Variants in MYO10 observed in about 807,000 individuals in gnomAD.
MYO10 encodes unconventional myosin-X.
Under a neutral mutation model 257.3 loss-of-function variants are expected in MYO10, and 133 were observed. The ratio of observed to expected loss-of-function variants is 0.52; its 90% confidence interval spans 0.45 to 0.60. The LOEUF is 0.60. Ranked by LOEUF, MYO10 falls within the 20% of genes least tolerant of loss-of-function variation. The probability of loss-of-function intolerance (pLI) is 0.00; values close to 1 mark genes in which losing one functional copy is unlikely to be tolerated. For synonymous variants in MYO10, 1,104 were observed against 1,028.6 expected (o/e 1.07, Z -1.40); for missense variants, 2,399 against 2,635.7 (o/e 0.91, Z 1.97).
rs541489278 is a variant in MYO10 at position 16,801,144 on chromosome 5, C to T, written c.280-6311G>A. ...AATTCCTCAAAAAATGGTCAGGACC[C>T]TTTCTGCTTGTTGGGTAGAGAAAGA... On this transcript the variant is annotated intron_variant, in intron 3 of 40. Transcript: ENST00000513610. 7.9e-5 allele frequency among the ~76,000 whole-genome samples: 12 copies of T among 152,248 alleles called. No homozygotes were observed. In the South Asian group the frequency reaches 2.3e-3, roughly 29 times the overall value.
At chr5:16,758,313 A>C in intron 17 of MYO10, 87 bp from the exon 18 acceptor site, 1 of 949,330 alleles carries the variant, frequency 1.1e-6, no homozygotes, top group South Asian at 1.3e-5. Context: ...GCCCTTTCTC[A>C]ATGATAATTC....
rs1736710294 is a variant in MYO10, at chr5:16,676,095, T to C, written c.4602A>G (p.Arg1534=). 2 of 1,613,462 alleles carry C rather than the reference T, an allele frequency of 1.2e-6. No individual in the cohort carries two copies. ...EQIYKRNPIL[R]YTHHPLHSPL... The stretch of plus-strand genomic sequence containing the variant: ...GGGAGTGCAAGGGGTGATGGGTGTA[T>C]CGAAGGATCGGGTTCCGCTTGTAAA... Residue 1534 remains arginine, a synonymous_variant, in exon 34 of 41, where the codon CGA becomes CGG. Coordinates refer to ENST00000513610, the MANE Select transcript of MYO10 (RefSeq NM_012334.3).
At chr5:16,892,691 A>G (rs1352254530) in intron 1 of MYO10, among the ~76,000 whole-genome samples, 1 of 152,124 alleles carries the variant, frequency 6.6e-6, no homozygotes, top group East Asian at 1.9e-4. Flanking sequence ...AACCCAACAA[A>G]GCAGTACCTG....
intron 31 of MYO10, 29 bp from the exon 32 acceptor site, chr5:16,681,532 A>T (rs765062889): frequency 3.8e-5 from 60 of 1,574,682 alleles, no homozygotes; most frequent in Non-Finnish European, 4.6e-5. Context: ...GTGTAAATTA[A>T]AATCTGTGAG....
intron 10 of MYO10, among the ~76,000 whole-genome samples, chr5:16,766,498 C>T (rs1400025692): frequency 2.0e-5 from 3 of 151,884 alleles, no homozygotes; most frequent in Admixed American, 1.3e-4. Flanking sequence ...GCAATGATCT[C>T]GGTTCACTGC....
chr5:16,717,995 G>A (rs917696181), intron 19 of MYO10, among the ~76,000 whole-genome samples: 27 of 152,216 alleles, frequency 1.8e-4, no homozygotes, highest in African/African-American at 6.5e-4. Context: ...AGCGCTTGCG[G>A]GCCAGCTGGA....
At chr5:16,840,398 C>T (rs1399358512) in intron 2 of MYO10, among the ~76,000 whole-genome samples, 7 of 148,348 alleles carry the variant, frequency 4.7e-5, no homozygotes, top group South Asian at 2.1e-4. Context: ...GGCGACAGAG[C>T]GACACTCCAT....
intron 19 of MYO10, among the ~76,000 whole-genome samples, chr5:16,745,410 G>A (rs1740162109): frequency 6.6e-6 from 1 of 152,144 alleles, no homozygotes; most frequent in Non-Finnish European, 1.5e-5. Context: ...AGCAGACCAG[G>A]CACGGTGAGT....
chr5:16,717,807 A>G (rs924710800), intron 19 of MYO10, among the ~76,000 whole-genome samples: 5 of 152,150 alleles, frequency 3.3e-5, no homozygotes, highest in Non-Finnish European at 5.9e-5. Flanking sequence ...CAGAGCCCTC[A>G]CTTGCTCTCG....
chr5:16,768,966 G>A lies in MYO10; in HGVS notation c.1060+108C>T, dbSNP rs563319874. 191 of 1,355,090 alleles carry A rather than the reference G, an allele frequency of 1.4e-4. No homozygotes were observed. The African/African-American group carries it at 2.4e-3, about 17-fold the overall frequency. The allele number at this position is 1,355,090 out of a possible 1,614,324, so 83.9% of individuals were successfully genotyped here. ...GCTGGGGTTACAGGCAAGAGCCACCGCACCTGGCCAGAATTTTCTTTCTGA... is the reference window on the plus strand; with the variant it reads ...GCTGGGGTTACAGGCAAGAGCCACCACACCTGGCCAGAATTTTCTTTCTGA... On this transcript the variant is annotated intron_variant, in intron 10 of 40. Transcript: ENST00000513610.
chr5:16,752,930 A>T (rs1049238421), intron 19 of MYO10, among the ~76,000 whole-genome samples: 5 of 152,146 alleles, frequency 3.3e-5, no homozygotes, highest in Admixed American at 6.5e-5. Flanking sequence ...CATACTTTTG[A>T]AAAACGGAAA....
Position 16,823,467 on chromosome 5 carries a change from G to GGGTTTTTTT in MYO10, c.121-5301_121-5300insAAAAAAACC, listed in dbSNP as rs1561003861. Among the ~76,000 whole-genome samples the GGGTTTTTTT allele has an allele frequency of 5.5e-3, 22 of 3,984 alleles. 1 individual carries two copies. The highest frequency in any genetic ancestry group is 0.018 in the East Asian group (1 of 56). 2.6% of individuals were successfully genotyped at this position (3,984 alleles called of 152,430 possible). On this transcript the variant is annotated intron_variant, in intron 2 of 40. Transcript: ENST00000513610. ...CTTGCGCGGGGGGGGGGGGAGTGGG[G>GGGTTTTTTT]ATTTTTTTTTTTTTTTTTTTGTGAG...
Position 16,701,440 on chromosome 5 carries a change from G to A in MYO10, c.2955C>T (p.Ser985=). 2.5e-6 allele frequency: 4 copies of A among 1,614,004 alleles called. No homozygotes were observed. The highest frequency in any genetic ancestry group is 3.4e-6 in the Non-Finnish European group (4 of 1,179,908). The change falls in exon 25 of 41, where the codon AGC becomes AGT. Residue 985 remains serine (S), a synonymous_variant. Coordinates refer to ENST00000513610, the MANE Select transcript of MYO10 (RefSeq NM_012334.3). The surrounding 1 kb of genome is among the most constrained non-coding windows in gnomAD (Gnocchi z 8.1). The stretch of plus-strand genomic sequence containing the variant: ...CGACCTCCTCCTCTGGGTAGGGCTG[G>A]CTGAAGTTGAAGTTGGGCTTCTCCT... ...ACEEKPNFNF[S]QPYPEEEVDE...
At chr5:16,804,022 G>A (rs1000566799) in intron 3 of MYO10, among the ~76,000 whole-genome samples, 16 of 152,166 alleles carry the variant, frequency 1.1e-4, no homozygotes, top group Non-Finnish European at 2.4e-4. Context: ...ATAAGATATT[G>A]TCCCTACGGT....
chr5:16,782,759 ATAGTT>A (rs1425014151), intron 5 of MYO10, among the ~76,000 whole-genome samples: 1 of 152,204 alleles, frequency 6.6e-6, no homozygotes, highest in Non-Finnish European at 1.5e-5. Context: ...AGGCAATGAC[ATAGTT>A]TATACAACAA....
chr5:16,886,498 G>C (rs942134044), intron 1 of MYO10, among the ~76,000 whole-genome samples: 2 of 152,150 alleles, frequency 1.3e-5, no homozygotes, highest in African/African-American at 4.8e-5. Flanking sequence ...CAGAAGTGTT[G>C]GGTAACTCCC....
intron 1 of MYO10, among the ~76,000 whole-genome samples, chr5:16,902,792 G>A (rs377369720): frequency 2.0e-5 from 3 of 152,286 alleles, no homozygotes; most frequent in Admixed American, 6.5e-5. Context: ...GTAAGCCACC[G>A]TGCCCAGGGC....
intron 1 of MYO10, among the ~76,000 whole-genome samples, chr5:16,883,195 G>A (rs1393184331): frequency 2.0e-5 from 3 of 152,102 alleles, no homozygotes; most frequent in African/African-American, 7.2e-5. Flanking sequence ...GATTACAGGT[G>A]TGAGCCACCG....
intron 1 of MYO10, among the ~76,000 whole-genome samples, chr5:16,920,379 G>A (rs1450621362): frequency 6.6e-6 from 1 of 152,216 alleles, no homozygotes; most frequent in African/African-American, 2.4e-5. Flanking sequence ...CAACATGGAT[G>A]GGCGGCAAAG....
Sources: gnomAD v4.1 joint callset for allele counts (sites outside exome capture counted in the v4.1 genomes callset) on GRCh38, gnomAD v4.1.1 for gene constraint, Gnocchi (gnomAD v3.1) non-coding constraint, MANE v1.5 for transcripts, NCBI Gene and HGNC (gene_info 2026-07-23, HGNC 2026-07-21) for gene names.